TMEM108: variants seen among roughly 807,000 people sequenced by gnomAD.
TMEM108 encodes the protein cancer/testis antigen 124.
TMEM108 carries 12 observed loss-of-function variants against 35.1 expected under a neutral mutation model. That is an observed-to-expected ratio of 0.34 (90% CI 0.22 to 0.55). The LOEUF is 0.55. Ranked by LOEUF, TMEM108 falls within the 20% of genes least tolerant of loss-of-function variation. The probability of loss-of-function intolerance (pLI) is 0.89; values close to 1 mark genes in which losing one functional copy is unlikely to be tolerated. For missense variants in TMEM108, 680 were observed against 753.3 expected (o/e 0.90, Z 1.14); for synonymous variants, 287 against 308.6 (o/e 0.93, Z 0.73).
Position 133,183,311 on chromosome 3 carries a change from T to G in TMEM108, c.-46-45955T>G, listed in dbSNP as rs1319422661. On this transcript the variant is annotated intron_variant, in intron 2 of 5. Coordinates refer to ENST00000321871, the MANE Select transcript of TMEM108 (RefSeq NM_023943.4). ...ATACATTTCCCTCTTCCTCTTAAAG[T>G]CTTATCTTATTCCTAAGGCATATGA... is the stretch of plus-strand genomic sequence containing the variant. Among the ~76,000 whole-genome samples, 3 of 152,198 alleles carry G rather than the reference T, an allele frequency of 2.0e-5. No homozygotes were observed. In the East Asian group the frequency reaches 5.8e-4, roughly 29 times the overall value.
intron 3 of TMEM108, among the ~76,000 whole-genome samples, chr3:133,239,505 G>A (rs1018039852): frequency 9.2e-5 from 14 of 152,132 alleles, no homozygotes; most frequent in Admixed American, 3.9e-4. Context: ...ATGGGGCTGG[G>A]GCATCCAGTG....
chr3:133,143,972 T>TTTTATTTTA (rs1239054236), intron 2 of TMEM108, among the ~76,000 whole-genome samples: 53 of 126,502 alleles, frequency 4.2e-4, no homozygotes, highest in Middle Eastern at 3.9e-3. Flanking sequence ...TTTTATTTTA[T>TTTTATTTTA]TTTATTTTAT....
At chr3:133,195,048 A>G (rs543722599) in intron 2 of TMEM108, among the ~76,000 whole-genome samples, 2 of 152,362 alleles carry the variant, frequency 1.3e-5, no homozygotes, top group East Asian at 1.9e-4. Flanking sequence ...AATATTTCTT[A>G]TAAACAAAAA....
chr3:133,151,151 G>T (rs1286869255), intron 2 of TMEM108, among the ~76,000 whole-genome samples: 1 of 151,920 alleles, frequency 6.6e-6, no homozygotes, highest in African/African-American at 2.4e-5. Context: ...ACCTTGCTAG[G>T]TGCTCCTTTA....
At chr3:133,179,840 A>G (rs1444474788) in intron 2 of TMEM108, among the ~76,000 whole-genome samples, 1 of 151,966 alleles carries the variant, frequency 6.6e-6, no homozygotes, top group Non-Finnish European at 1.5e-5. Context: ...GGCCCTTCTT[A>G]GAAGACTAGA....
chr3:133,160,410 T>C (rs1379935071), intron 2 of TMEM108, among the ~76,000 whole-genome samples: 1 of 152,208 alleles, frequency 6.6e-6, no homozygotes, highest in Non-Finnish European at 1.5e-5. Flanking sequence ...TCTCTGTTCC[T>C]CTGTCAGGAA....
intron 2 of TMEM108, among the ~76,000 whole-genome samples, chr3:133,136,539 A>T (rs1046321313): frequency 6.6e-6 from 1 of 152,122 alleles, no homozygotes; most frequent in Admixed American, 6.5e-5. Flanking sequence ...TTATTTACTC[A>T]CATGTAATAA....
chr3:133,234,411 T>C (rs1048163783), intron 3 of TMEM108, among the ~76,000 whole-genome samples: 4 of 152,170 alleles, frequency 2.6e-5, no homozygotes, highest in Admixed American at 2.6e-4. Context: ...CATGATCAAG[T>C]GGGCTTCATC....
intron 3 of TMEM108, among the ~76,000 whole-genome samples, chr3:133,270,129 T>C (rs1256685505): frequency 6.6e-6 from 1 of 152,150 alleles, no homozygotes; most frequent in African/African-American, 2.4e-5. Context: ...AATAAGATAT[T>C]AGAGATTTTG....
At chr3:133,300,223 TG>T (rs1281955532) in intron 3 of TMEM108, among the ~76,000 whole-genome samples, 3 of 151,854 alleles carry the variant, frequency 2.0e-5, no homozygotes, top group Non-Finnish European at 4.4e-5. Context: ...GAATGTAAAA[TG>T]AGTAAGTAAA....
chr3:133,154,317 G>T (rs918698252), intron 2 of TMEM108, among the ~76,000 whole-genome samples: 3 of 151,884 alleles, frequency 2.0e-5, no homozygotes, highest in Middle Eastern at 3.4e-3. Flanking sequence ...GTCAATTTTG[G>T]CTTTTGTTGC....
intron 3 of TMEM108, among the ~76,000 whole-genome samples, chr3:133,360,661 TC>T (rs1387613659): frequency 6.6e-6 from 1 of 152,252 alleles, no homozygotes; most frequent in Non-Finnish European, 1.5e-5. Flanking sequence ...GTGACCTTTC[TC>T]CCACTTTTTG....
At chr3:133,195,490 T>G (rs1320398481) in intron 2 of TMEM108, among the ~76,000 whole-genome samples, 1 of 152,146 alleles carries the variant, frequency 6.6e-6, no homozygotes, top group Non-Finnish European at 1.5e-5. Context: ...TGGAGGAAAT[T>G]TTTCCTATTC....
intron 2 of TMEM108, among the ~76,000 whole-genome samples, chr3:133,174,132 G>C (rs2197968): frequency 0.23 from 34,548 of 152,234 alleles, 4,116 homozygotes; most frequent in East Asian, 0.48. Context: ...GGCTGGGGGA[G>C]GGTGCCTGCC....
chr3:133,056,243 C>T (rs915916545), intron 2 of TMEM108, among the ~76,000 whole-genome samples: 8 of 149,460 alleles, frequency 5.4e-5, no homozygotes, highest in Admixed American at 6.6e-5. Flanking sequence ...TCTTTCTATG[C>T]GCAAACATCT....
intron 1 of TMEM108, among the ~76,000 whole-genome samples, chr3:133,044,833 T>C (rs78863924): frequency 0.015 from 2,222 of 152,324 alleles, 39 homozygotes; most frequent in African/African-American, 0.049. Flanking sequence ...GGCACATTTC[T>C]GTAGCCCTAA....
chr3:133,209,679 G>A (rs1945808510), intron 2 of TMEM108, among the ~76,000 whole-genome samples: 1 of 152,096 alleles, frequency 6.6e-6, no homozygotes, highest in African/African-American at 2.4e-5. Flanking sequence ...CTTTGGTGTA[G>A]TCTCTCCTCC....
chr3:133,153,080 A>G (rs1366237362), intron 2 of TMEM108, among the ~76,000 whole-genome samples: 1 of 152,132 alleles, frequency 6.6e-6, no homozygotes, highest in Non-Finnish European at 1.5e-5. Flanking sequence ...AAGAAAATCA[A>G]ATTTGATTTG....
chr3:133,220,082 GT>G (rs57936804), intron 2 of TMEM108, among the ~76,000 whole-genome samples: 2,520 of 139,318 alleles, frequency 0.018, 58 homozygotes, highest in Middle Eastern at 0.053. Context: ...TGTTTCTTCG[GT>G]TTTTTTTTTT....
Sources: allele counts gnomAD v4.1 joint callset (sites outside exome capture counted in the v4.1 genomes callset), GRCh38; gene constraint gnomAD v4.1.1; transcripts MANE v1.5; gene names NCBI Gene and HGNC (gene_info 2026-07-23, HGNC 2026-07-21).